POPDC1: variants seen among roughly 807,000 people sequenced by gnomAD.
The protein encoded by POPDC1 is popeye domain-containing protein 1.
At chr6:105,098,458 C>T in the POPDC1 span, 1 of 152,170 alleles carries the variant, frequency 6.6e-6, no homozygotes, top group South Asian at 2.1e-4. Flanking sequence ...ATAAAAACAG[C>T]AAATGGTCTT....
chr6:105,122,795 G>T, the POPDC1 span, among the ~76,000 whole-genome samples: 1 of 152,212 alleles, frequency 6.6e-6, no homozygotes, highest in African/African-American at 2.4e-5. Flanking sequence ...CATCAAAGCT[G>T]ACCCTCACAA....
chr6:105,105,179 T>TC, the POPDC1 span, among the ~76,000 whole-genome samples: 1,146 of 151,724 alleles, frequency 7.6e-3, 8 homozygotes, highest in African/African-American at 0.017. Flanking sequence ...GAATCTGCAA[T>TC]CCCCCCCCAA....
chr6:105,128,675 A>C, the POPDC1 span, among the ~76,000 whole-genome samples: 3 of 152,332 alleles, frequency 2.0e-5, no homozygotes, highest in Non-Finnish European at 4.4e-5. Flanking sequence ...AGAATCTTCT[A>C]TGAATCATCT....
the POPDC1 span, among the ~76,000 whole-genome samples, chr6:105,127,991 C>T: frequency 6.6e-6 from 1 of 152,214 alleles, no homozygotes; most frequent in African/African-American, 2.4e-5. Flanking sequence ...AACTCCTGAC[C>T]TCAGATGACC....
chr6:105,108,172 C>T, the POPDC1 span, among the ~76,000 whole-genome samples: 22 of 152,136 alleles, frequency 1.4e-4, no homozygotes, highest in African/African-American at 4.1e-4. Context: ...GCAAAAGTCC[C>T]GCAGCCTCTT....
At chr6:105,129,579 C>G in the POPDC1 span, 1 of 1,427,056 alleles carries the variant, frequency 7.0e-7, no homozygotes, top group South Asian at 1.4e-5. Flanking sequence ...TTGATATCCT[C>G]TATATATACA....
chr6:105,134,489 A>T, the POPDC1 span, among the ~76,000 whole-genome samples: 3 of 152,208 alleles, frequency 2.0e-5, no homozygotes, highest in Non-Finnish European at 2.9e-5. Flanking sequence ...TTTACAGATT[A>T]TATGAATTAT....
the POPDC1 span, among the ~76,000 whole-genome samples, chr6:105,128,766 ATGTT>A: frequency 2.0e-5 from 3 of 152,108 alleles, no homozygotes; most frequent in Non-Finnish European, 4.4e-5. Flanking sequence ...ACTTTACTGA[ATGTT>A]TGTTTGTGCT....
the POPDC1 span, among the ~76,000 whole-genome samples, chr6:105,109,057 G>A: frequency 1.3e-5 from 2 of 152,096 alleles, no homozygotes; most frequent in Non-Finnish European, 2.9e-5. Flanking sequence ...ACCTCCTCGG[G>A]CTCAGGTGTC....
At chr6:105,112,747 C>T in the POPDC1 span, among the ~76,000 whole-genome samples, 1 of 152,174 alleles carries the variant, frequency 6.6e-6, no homozygotes, top group Non-Finnish European at 1.5e-5. Context: ...TTCTCACCAA[C>T]TCTAGGTGGA....
chr6:105,133,254 C>T, the POPDC1 span: 3 of 1,062,762 alleles, frequency 2.8e-6, no homozygotes, highest in South Asian at 3.2e-5. Flanking sequence ...TTTTGGCTTG[C>T]TATGGGCCTG....
chr6:105,133,479 A>G, the POPDC1 span: 10 of 1,613,922 alleles, frequency 6.2e-6, no homozygotes, highest in South Asian at 8.8e-5. Context: ...AGTTTTCACA[A>G]GTGGTCTTAT....
the POPDC1 span, among the ~76,000 whole-genome samples, chr6:105,126,698 TGAG>T: frequency 9.9e-5 from 15 of 152,178 alleles, no homozygotes; most frequent in Non-Finnish European, 2.1e-4. Flanking sequence ...TAGGAATCAA[TGAG>T]GAAACAAATT....
At chr6:105,099,065 C>T in the POPDC1 span, 2,021 of 152,406 alleles carry the variant, frequency 0.013, 22 homozygotes, top group Non-Finnish European at 0.022. Context: ...AGCCATGTTG[C>T]CCAGGCTGGT....
chr6:105,112,087 T>A, the POPDC1 span, among the ~76,000 whole-genome samples: 1 of 152,176 alleles, frequency 6.6e-6, no homozygotes, highest in Non-Finnish European at 1.5e-5. Context: ...TGGTATCACC[T>A]GGGCACTGGT....
chr6:105,123,252 C>T, the POPDC1 span, among the ~76,000 whole-genome samples: 8 of 152,138 alleles, frequency 5.3e-5, no homozygotes, highest in Non-Finnish European at 7.4e-5. Context: ...TGCTGTTAAT[C>T]CAGAGGCTGA....
At chr6:105,102,881 T>C in the POPDC1 span, among the ~76,000 whole-genome samples, 1 of 152,198 alleles carries the variant, frequency 6.6e-6, no homozygotes, top group Non-Finnish European at 1.5e-5. Flanking sequence ...GCTGTATATA[T>C]ACGGAAATTG....
the POPDC1 span, among the ~76,000 whole-genome samples, chr6:105,111,997 G>C: frequency 6.6e-6 from 1 of 152,114 alleles, no homozygotes; most frequent in Non-Finnish European, 1.5e-5. Context: ...ACCACCATGG[G>C]GATGAACTCA....
At chr6:105,119,908 A>G in the POPDC1 span, among the ~76,000 whole-genome samples, 1 of 152,222 alleles carries the variant, frequency 6.6e-6, no homozygotes, top group Admixed American at 6.5e-5. Flanking sequence ...ATATAAAATA[A>G]TAGTATTCAA....
Sources: allele counts gnomAD v4.1 joint callset (sites outside exome capture counted in the v4.1 genomes callset), GRCh38; gene constraint gnomAD v4.1.1; transcripts MANE v1.5; gene names NCBI Gene and HGNC (gene_info 2026-07-23, HGNC 2026-07-21).